ARHGAP42: variants seen among roughly 807,000 people sequenced by gnomAD.
The protein encoded by ARHGAP42 is rho GTPase-activating protein 42.
Under a neutral mutation model 125.0 loss-of-function variants are expected in ARHGAP42, and 63 were observed. The observed-to-expected ratio is 0.50, with a 90% CI of 0.41 to 0.62. The LOEUF is 0.62. ARHGAP42 is among the 20% of genes least tolerant of loss of function. The pLI is 0.00. For missense variants in ARHGAP42, 766 were observed against 1,024.2 expected, an observed-to-expected ratio of 0.75 and a Z score of 3.44; for synonymous variants, 339 against 351.0, an observed-to-expected ratio of 0.97 and a Z score of 0.38.
intron 4 of ARHGAP42, among the ~76,000 whole-genome samples, chr11:100,900,232 G>A (rs1006846366): frequency 6.6e-5 from 10 of 152,210 alleles, no homozygotes; most frequent in African/African-American, 2.4e-4. Flanking sequence ...TTGAGTATTG[G>A]CCCCCACTCT....
chr11:100,756,807 GGCAGTT>G (rs1445844045), intron 1 of ARHGAP42, among the ~76,000 whole-genome samples: 2 of 152,182 alleles, frequency 1.3e-5, no homozygotes, highest in African/African-American at 4.8e-5. Context: ...AATCACAGCA[GGCAGTT>G]GCTCTCTGTG....
At chr11:100,746,448 G>A (rs1862307439) in intron 1 of ARHGAP42, among the ~76,000 whole-genome samples, 1 of 152,260 alleles carries the variant, frequency 6.6e-6, no homozygotes, top group Non-Finnish European at 1.5e-5. Flanking sequence ...GTGGAAAGGG[G>A]ACAATCTGGG....
intron 1 of ARHGAP42, among the ~76,000 whole-genome samples, chr11:100,729,533 A>G (rs1369520907): frequency 3.3e-5 from 5 of 152,184 alleles, no homozygotes; most frequent in African/African-American, 4.8e-5. Context: ...CTAAGAAGAT[A>G]TTCTGCAATG....
chr11:100,854,206 G>C (rs1474522219), intron 3 of ARHGAP42, among the ~76,000 whole-genome samples: 1 of 152,078 alleles, frequency 6.6e-6, no homozygotes, highest in Non-Finnish European at 1.5e-5. Context: ...TTCTGAAAAA[G>C]AAGAGGCTAT....
chr11:100,973,046 G>C, intron 17 of ARHGAP42, 129 bp from the exon 18 acceptor site: 1 of 774,504 alleles, frequency 1.3e-6, no homozygotes, highest in South Asian at 2.4e-5. Context: ...ATTGGAAGTG[G>C]CTAAAAGTAG....
intron 4 of ARHGAP42, among the ~76,000 whole-genome samples, chr11:100,881,987 G>T (rs1865973836): frequency 6.6e-6 from 1 of 152,132 alleles, no homozygotes; most frequent in South Asian, 2.1e-4. Flanking sequence ...AGCTCCAGGA[G>T]CTTTTTGGAG....
intron 4 of ARHGAP42, among the ~76,000 whole-genome samples, chr11:100,875,101 C>CTGTGTGTG: frequency 1.1e-5 from 1 of 93,486 alleles, no homozygotes; most frequent in Admixed American, 1.1e-4. Flanking sequence ...CTCTCTCTCT[C>CTGTGTGTG]TCTCTCTGTG....
chr11:100,749,690 A>G (rs1862399028), intron 1 of ARHGAP42, among the ~76,000 whole-genome samples: 1 of 152,110 alleles, frequency 6.6e-6, no homozygotes, highest in Non-Finnish European at 1.5e-5. Flanking sequence ...CCACCGCAGG[A>G]TCTGCCTTAA....
At chr11:100,714,915 G>A (rs555188277) in intron 1 of ARHGAP42, among the ~76,000 whole-genome samples, 44 of 151,980 alleles carry the variant, frequency 2.9e-4, no homozygotes, top group African/African-American at 9.7e-4. Context: ...GGGCATAGTG[G>A]TGCACACCTG....
intron 3 of ARHGAP42, among the ~76,000 whole-genome samples, chr11:100,798,375 TAAG>T (rs1428058639): frequency 1.3e-5 from 2 of 152,180 alleles, no homozygotes; most frequent in Non-Finnish European, 2.9e-5. Context: ...ATTGTTGTCT[TAAG>T]AAATTACCAC....
intron 3 of ARHGAP42, among the ~76,000 whole-genome samples, chr11:100,805,478 G>A (rs980391852): frequency 2.6e-5 from 4 of 152,102 alleles, no homozygotes; most frequent in Non-Finnish European, 5.9e-5. Context: ...AAGGGATCCC[G>A]ATCCAAATCC....
intron 1 of ARHGAP42, among the ~76,000 whole-genome samples, chr11:100,709,889 A>G (rs1220046527): frequency 6.6e-6 from 1 of 152,178 alleles, no homozygotes; most frequent in Non-Finnish European, 1.5e-5. Flanking sequence ...CTTTTAAAGA[A>G]TTTTTCCTGC....
At chr11:100,864,818 T>G (rs1412180615) in intron 4 of ARHGAP42, among the ~76,000 whole-genome samples, 1 of 152,224 alleles carries the variant, frequency 6.6e-6, no homozygotes, top group East Asian at 1.9e-4. Context: ...TGCCCAAACT[T>G]ACCCCTTGAA....
intron 1 of ARHGAP42, among the ~76,000 whole-genome samples, chr11:100,743,139 TTG>T (rs1188801097): frequency 6.6e-6 from 1 of 152,214 alleles, no homozygotes; most frequent in Admixed American, 6.5e-5. Flanking sequence ...GTTTTCTTCA[TTG>T]TGTTACTGTT....
intron 4 of ARHGAP42, among the ~76,000 whole-genome samples, chr11:100,891,295 G>A (rs1455055897): frequency 1.2e-4 from 18 of 151,830 alleles, no homozygotes. Context: ...CTCCCTCTTC[G>A]GTTGCTCCTG....
At chr11:100,881,829 TTTTGTTTGTTTG>T (rs142882226) in intron 4 of ARHGAP42, among the ~76,000 whole-genome samples, 3 of 151,760 alleles carry the variant, frequency 2.0e-5, no homozygotes, top group African/African-American at 4.8e-5. Flanking sequence ...TTTTGTTAGT[TTTTGTTTGTTTG>T]TTTGTTTGTT....
chr11:100,925,146 T>A (rs572045636), intron 6 of ARHGAP42, among the ~76,000 whole-genome samples: 2 of 152,168 alleles, frequency 1.3e-5, no homozygotes, highest in Admixed American at 1.3e-4. Context: ...ATCAGCTTTT[T>A]AAACTCAGTT....
chr11:100,971,265 T>A (rs1420172995), intron 17 of ARHGAP42, among the ~76,000 whole-genome samples: 3 of 152,174 alleles, frequency 2.0e-5, no homozygotes, highest in Admixed American at 2.0e-4. Flanking sequence ...TTTTTCTCTG[T>A]TTATTGGATC....
intron 18 of ARHGAP42, among the ~76,000 whole-genome samples, chr11:100,973,995 C>T (rs1197984359): frequency 6.6e-6 from 1 of 152,182 alleles, no homozygotes; most frequent in Non-Finnish European, 1.5e-5. Context: ...TGCAAGAGCA[C>T]ATGGCTGTGT....
Sources: allele counts gnomAD v4.1 joint callset (sites outside exome capture counted in the v4.1 genomes callset), GRCh38; gene constraint gnomAD v4.1.1; transcripts MANE v1.5; gene names NCBI Gene and HGNC (gene_info 2026-07-23, HGNC 2026-07-21).